The following ANK3 variants were observed in gnomAD, a reference collection of about 807,000 sequenced individuals.
ANK3 encodes ankyrin-3.
ANK3 carries 57 observed loss-of-function variants against 370.9 expected under a neutral mutation model. The observed-to-expected ratio is 0.15, with a 90% CI of 0.12 to 0.19. ANK3 has a LOEUF of 0.19. Ranked by LOEUF, ANK3 falls within the 10% of genes least tolerant of loss-of-function variation. The probability of loss-of-function intolerance (pLI) is 1.00; values close to 1 mark genes in which losing one functional copy is unlikely to be tolerated. For missense variants in ANK3, 4,439 were observed against 5,302.1 expected (o/e 0.84, Z 5.06); for synonymous variants, 1,929 against 1,946.3 (o/e 0.99, Z 0.23).
intron 7 of ANK3, among the ~76,000 whole-genome samples, chr10:60,239,241 G>A (rs2097383287): frequency 6.6e-6 from 1 of 152,102 alleles, no homozygotes; most frequent in South Asian, 2.1e-4. Context: ...GAATGGTCAA[G>A]AATTTTCTTG....
Position 60,279,575 on chromosome 10 carries a change from T to C in ANK3, c.179A>G (p.Tyr60Cys). Residue 60 changes from tyrosine to cysteine, a missense_variant, in exon 2 of 44, where the codon TAC becomes TGC. Tyr to Cys is a radical substitution (Grantham distance 194). This residue lies in a region of ANK3 where 136 missense variants were observed against 230.5 expected (regional missense o/e 0.59). Coordinates refer to ENST00000280772, the MANE Select transcript of ANK3 (RefSeq NM_020987.5). Reference protein sequence around the residue: ...RAGHLEKALDYIKNGVDINIC... With the variant: ...RAGHLEKALDCIKNGVDINIC... ...GTTGATGTCAACTCCATTTTTTATG[T>C]AGTCGAGGGCCTTTTCAAGGTGTCC... 6.2e-7 allele frequency: 1 copy of C among 1,612,322 alleles called. No homozygotes were observed. The highest frequency in any genetic ancestry group is 8.5e-7 in the Non-Finnish European group (1 of 1,179,542).
rs1375587740 is a variant in ANK3 at position 60,082,635 on chromosome 10, T to C, written c.4303A>G (p.Thr1435Ala). ...PQTAVCNLNI[T>A]LPAHKKETES... ...GATACCTTTTTATGTGCTGGCAGAGTGATATTTAAGTTGCAAACCGCTGTT... is the reference window on the plus strand; with the variant it reads ...GATACCTTTTTATGTGCTGGCAGAGCGATATTTAAGTTGCAAACCGCTGTT... Residue 1435 changes from threonine (T) to alanine (A), a missense_variant, in exon 34 of 44, where the codon ACT becomes GCT. Physicochemically the swap from Thr to Ala is moderately conservative, Grantham distance 58. Coordinates refer to ENST00000280772, the MANE Select transcript of ANK3 (RefSeq NM_020987.5). 2 of 1,613,832 alleles carry C rather than the reference T, an allele frequency of 1.2e-6. No homozygotes were observed. The highest frequency in any genetic ancestry group is 1.7e-4 in the Middle Eastern group (1 of 6,058).
intron 2 of ANK3, among the ~76,000 whole-genome samples, chr10:60,395,644 CTCTCTCTT>C (rs1048009565): frequency 2.0e-5 from 2 of 101,628 alleles, no homozygotes; most frequent in Non-Finnish European, 4.5e-5. Flanking sequence ...CTCTCTCTCT[CTCTCTCTT>C]TCTTTCTTTC....
intron 23 of ANK3, among the ~76,000 whole-genome samples, chr10:60,150,088 G>GT (rs951749718): frequency 3.3e-5 from 5 of 152,140 alleles, no homozygotes; most frequent in African/African-American, 9.7e-5. Flanking sequence ...CACTCCTCAG[G>GT]TTTTTTCCCC....
At chr10:60,594,834 C>G (rs1004999013) in intron 2 of ANK3, among the ~76,000 whole-genome samples, 2 of 151,874 alleles carry the variant, frequency 1.3e-5, no homozygotes, top group Admixed American at 1.3e-4. Context: ...AAGGGTTAGT[C>G]CTGCTGGTTG....
chr10:60,395,618 T>TTCTC (rs71015791), intron 2 of ANK3, among the ~76,000 whole-genome samples: 93 of 126,276 alleles, frequency 7.4e-4, no homozygotes, highest in South Asian at 5.0e-3. Context: ...CTCTCTTTCG[T>TTCTC]TCTCTCTCTC....
chr10:60,035,312 G>A (rs1321561936), intron 43 of ANK3, among the ~76,000 whole-genome samples: 2 of 151,920 alleles, frequency 1.3e-5, no homozygotes, highest in Admixed American at 6.6e-5. Flanking sequence ...ACAGTGGTAC[G>A]ATCTTGGCTT....
chr10:60,180,770 T>C (rs1465164283), intron 18 of ANK3, among the ~76,000 whole-genome samples: 3 of 151,692 alleles, frequency 2.0e-5, no homozygotes, highest in African/African-American at 7.3e-5. Context: ...TTTGTGTGTG[T>C]GTTTGAGTTG....
intron 1 of ANK3, among the ~76,000 whole-genome samples, chr10:60,379,508 A>G (rs1238544520): frequency 1.3e-5 from 2 of 152,198 alleles, no homozygotes; most frequent in Non-Finnish European, 2.9e-5. Context: ...AAATGTGTAC[A>G]TATACACAAT....
At chr10:60,420,467 C>G (rs2063756149) in intron 2 of ANK3, among the ~76,000 whole-genome samples, 1 of 152,008 alleles carries the variant, frequency 6.6e-6, no homozygotes, top group Admixed American at 6.6e-5. Flanking sequence ...TTGGCACAGT[C>G]TTTCCTCTTC....
chr10:60,245,477 C>CCATA (rs2097539313), intron 7 of ANK3, among the ~76,000 whole-genome samples: 1 of 152,088 alleles, frequency 6.6e-6, no homozygotes, highest in African/African-American at 2.4e-5. Flanking sequence ...AAAAGGAATC[C>CCATA]CATACCATTA....
chr10:60,333,395 C>T lies in ANK3; in HGVS notation c.115-53756G>A, dbSNP rs1259807809. Among the ~76,000 whole-genome samples the T allele has an allele frequency of 2.6e-5, 4 of 151,926 alleles. No individual in the cohort carries two copies. The South Asian group carries it at 6.2e-4, about 24-fold the overall frequency. ...ACTCCCACTTATGAGTGAGAACATG[C>T]TGTGTTTGTTTTTCTGTTCCTGTGT... On this transcript the variant is annotated intron_variant, in intron 1 of 43. Coordinates refer to ENST00000280772, the MANE Select transcript of ANK3 (RefSeq NM_020987.5).
chr10:60,205,749 C>T (rs776736534), intron 11 of ANK3, 43 bp downstream of exon 11: 2 of 1,422,218 alleles, frequency 1.4e-6, no homozygotes, highest in East Asian at 2.3e-5. Flanking sequence ...TAAGGCTATA[C>T]TCTCAGTATC....
chr10:60,425,969 A>G (rs540635713), intron 2 of ANK3, among the ~76,000 whole-genome samples: 21 of 152,212 alleles, frequency 1.4e-4, no homozygotes, highest in African/African-American at 4.8e-4. Flanking sequence ...GTATAATATG[A>G]ATCATCCTAT....
intron 2 of ANK3, among the ~76,000 whole-genome samples, chr10:60,513,817 T>C (rs2076148955): frequency 1.3e-5 from 2 of 152,196 alleles, no homozygotes; most frequent in Non-Finnish European, 2.9e-5. Flanking sequence ...ATTAATGAAT[T>C]AAAATAGCCT....
upstream of ANK3, among the ~76,000 whole-genome samples, chr10:60,392,615 C>G (rs906966582): frequency 2.0e-5 from 3 of 152,156 alleles, no homozygotes; most frequent in South Asian, 6.2e-4. Context: ...GGCCCATGCA[C>G]GGAATGTCAA....
intron 5 of ANK3, among the ~76,000 whole-genome samples, chr10:60,269,328 A>G (rs146134290): frequency 3.9e-5 from 6 of 152,270 alleles, no homozygotes; most frequent in African/African-American, 1.4e-4. Context: ...TTCAAATACC[A>G]CATCTATTTA....
chr10:60,247,892 C>CT (rs2132591012), intron 7 of ANK3, among the ~76,000 whole-genome samples: 1 of 152,288 alleles, frequency 6.6e-6, no homozygotes, highest in South Asian at 2.1e-4. Flanking sequence ...GTGTTGAACT[C>CT]TTGACCTCAG....
At chr10:60,142,234 A>G (rs2094600538) in intron 23 of ANK3, among the ~76,000 whole-genome samples, 1 of 152,146 alleles carries the variant, frequency 6.6e-6, no homozygotes, top group Non-Finnish European at 1.5e-5. Flanking sequence ...TAAACTCTTT[A>G]GACTTTGAGC....
Sources: gnomAD v4.1 joint callset for allele counts (sites outside exome capture counted in the v4.1 genomes callset) on GRCh38, gnomAD v4.1.1 for gene constraint, gnomAD v4.1.1 regional missense constraint, MANE v1.5 for transcripts, NCBI Gene and HGNC (gene_info 2026-07-23, HGNC 2026-07-21) for gene names.